The following STAG1 variants were observed in gnomAD, a reference collection of about 807,000 sequenced individuals.
STAG1 encodes STAG1 cohesin complex component.
A neutral mutation model predicts 170.9 loss-of-function variants in STAG1; 26 were observed. That is an observed-to-expected ratio of 0.15 (90% CI 0.11 to 0.21). The LOEUF is 0.21. Ranked by LOEUF, STAG1 falls within the 10% of genes least tolerant of loss-of-function variation. The probability of loss-of-function intolerance (pLI) is 1.00; values close to 1 mark genes in which losing one functional copy is unlikely to be tolerated. For synonymous variants in STAG1, 514 were observed against 497.7 expected (o/e 1.03, Z -0.44); for missense variants, 964 against 1,509.5 (o/e 0.64, Z 5.99).
chr3:136,524,744 G>C (rs888655207), intron 6 of STAG1, among the ~76,000 whole-genome samples: 3 of 152,118 alleles, frequency 2.0e-5, no homozygotes, highest in East Asian at 1.9e-4. Flanking sequence ...GTCATAGATA[G>C]CTCTTATTAT....
chr3:136,722,002 G>T (rs1403153003), intron 1 of STAG1, among the ~76,000 whole-genome samples: 3 of 151,772 alleles, frequency 2.0e-5, no homozygotes, highest in African/African-American at 4.8e-5. Flanking sequence ...AGGACAGATC[G>T]CTTGAGCTTC....
chr3:136,634,373 CA>C (rs375973343), intron 1 of STAG1, among the ~76,000 whole-genome samples: 7 of 144,328 alleles, frequency 4.9e-5, no homozygotes, highest in East Asian at 4.0e-4. Context: ...AACAAACAAA[CA>C]AAAAAAAAAC....
intron 5 of STAG1, among the ~76,000 whole-genome samples, chr3:136,561,161 C>A (rs1341194816): frequency 2.6e-5 from 4 of 152,046 alleles, no homozygotes; most frequent in Non-Finnish European, 5.9e-5. Context: ...CTTTGTAATA[C>A]AAAAAAATTT....
Position 136,715,415 on chromosome 3 carries a change from T to C in STAG1, c.-84+36780A>G, listed in dbSNP as rs182380571. Among the ~76,000 whole-genome samples the C allele has an allele frequency of 1.6e-3, 248 of 150,850 alleles. 1 individual carries two copies. Among genetic ancestry groups the C allele is most frequent in the Non-Finnish European group, 2.6e-3 (177 of 67,594 alleles). ...GCAGGCGGATCATGAGGTCAGGACA[T>C]GGAGATCACCCTGGCTAACACAGTG... On this transcript the variant is annotated intron_variant, in intron 1 of 33. Coordinates refer to ENST00000383202, the MANE Select transcript of STAG1 (RefSeq NM_005862.3).
intron 3 of STAG1, among the ~76,000 whole-genome samples, chr3:136,617,627 A>G (rs963796367): frequency 9.2e-5 from 14 of 152,210 alleles, no homozygotes; most frequent in Non-Finnish European, 1.9e-4. Context: ...TCTCTATTTT[A>G]CAGGAGTTAT....
intron 1 of STAG1, among the ~76,000 whole-genome samples, chr3:136,682,447 A>C (rs1298133234): frequency 1.0e-5 from 1 of 96,768 alleles, no homozygotes; most frequent in Non-Finnish European, 2.7e-5. Flanking sequence ...AAAAAATAAA[A>C]TATATATATA....
At chr3:136,455,781 G>A (rs1160806336) in intron 13 of STAG1, among the ~76,000 whole-genome samples, 1 of 152,150 alleles carries the variant, frequency 6.6e-6, no homozygotes, top group Non-Finnish European at 1.5e-5. Flanking sequence ...TCCTTGGCCT[G>A]GAAACAACTA....
chr3:136,687,400 A>C (rs144832873), intron 1 of STAG1, among the ~76,000 whole-genome samples: 70 of 152,282 alleles, frequency 4.6e-4, no homozygotes, highest in African/African-American at 1.6e-3. Flanking sequence ...TTTTTCTTGA[A>C]TTATATTACC....
chr3:136,377,386 C>CAAAA lies in STAG1; in HGVS notation c.2370+270_2370+273dup, dbSNP rs57934830. 7.0e-5 allele frequency among the ~76,000 whole-genome samples: 3 copies of CAAAA among 42,582 alleles called. 1 individual carries two copies. Among genetic ancestry groups the CAAAA allele is most frequent in the South Asian group, 1.5e-3 (1 of 656 alleles). The allele number at this position is 42,582 out of a possible 152,430, so 27.9% of individuals were successfully genotyped here. On this transcript the variant is annotated intron_variant, in intron 23 of 33. Coordinates refer to ENST00000383202, the MANE Select transcript of STAG1 (RefSeq NM_005862.3). ...TGGGCGACAGAGCGAGACTCTGTCTCAAAAAAAAAAAAAAAAAAAGTCTAC... is the reference window on the plus strand; with the variant it reads ...TGGGCGACAGAGCGAGACTCTGTCTCAAAAAAAAAAAAAAAAAAAAAAAGTCTAC...
At position 136,465,002 on chromosome 3, in the gene STAG1, A is replaced by G. The variant is rs201909192; in HGVS notation, c.1206-14T>C. On this transcript the variant is annotated splice_polypyrimidine_tract_variant and intron_variant, in intron 12 of 33. Transcript: ENST00000383202. ...TCTTCACTTCCACTGAAAAATACAG[A>G]AAGTAACATCTGATCTAAAGCAAAT... 2.1e-3 allele frequency: 3,286 copies of G among 1,580,354 alleles called. 6 individuals are homozygous for G. The highest frequency in any genetic ancestry group is 2.4e-3 in the Non-Finnish European group (2,768 of 1,156,686).
intron 4 of STAG1, among the ~76,000 whole-genome samples, chr3:136,601,338 T>G (rs1407764579): frequency 6.6e-6 from 1 of 152,148 alleles, no homozygotes; most frequent in African/African-American, 2.4e-5. Flanking sequence ...CAAACGTTTA[T>G]AAATTTTAAA....
At chr3:136,460,334 G>T (rs902351023) in intron 13 of STAG1, among the ~76,000 whole-genome samples, 1 of 152,132 alleles carries the variant, frequency 6.6e-6, no homozygotes, top group African/African-American at 2.4e-5. Flanking sequence ...GGGCACGGTG[G>T]CTCACGCCTT....
At chr3:136,490,242 T>C (rs1432359252) in intron 9 of STAG1, among the ~76,000 whole-genome samples, 1 of 152,012 alleles carries the variant, frequency 6.6e-6, no homozygotes, top group African/African-American at 2.4e-5. Context: ...GGTTTCGCCA[T>C]GTTGGCTAGG....
intron 1 of STAG1, among the ~76,000 whole-genome samples, chr3:136,634,714 A>C (rs531224124): frequency 1.2e-4 from 18 of 152,126 alleles, no homozygotes; most frequent in Non-Finnish European, 2.4e-4. Flanking sequence ...TGAAGAAATA[A>C]TTAGTGCACA....
chr3:136,624,252 C>T (rs1164988311), intron 2 of STAG1, among the ~76,000 whole-genome samples: 1 of 151,998 alleles, frequency 6.6e-6, no homozygotes, highest in African/African-American at 2.4e-5. Flanking sequence ...GCACCCGCCA[C>T]CAGGCCCGGC....
At chr3:136,610,502 T>C (rs1939218933) in intron 3 of STAG1, among the ~76,000 whole-genome samples, 1 of 152,220 alleles carries the variant, frequency 6.6e-6, no homozygotes, top group Admixed American at 6.5e-5. Context: ...GTATGTTGTG[T>C]ATATGCTTTT....
At chr3:136,588,642 ATTTTTT>A (rs575023166) in intron 4 of STAG1, among the ~76,000 whole-genome samples, 1 of 141,182 alleles carries the variant, frequency 7.1e-6, no homozygotes, top group East Asian at 2.1e-4. Flanking sequence ...ATTTGGCTTT[ATTTTTT>A]TTTTTGTCTC....
intron 2 of STAG1, among the ~76,000 whole-genome samples, chr3:136,624,500 A>G (rs1365223304): frequency 6.6e-6 from 1 of 152,222 alleles, no homozygotes; most frequent in African/African-American, 2.4e-5. Context: ...GTAGGATGCA[A>G]GTAAAATTAT....
At chr3:136,526,401 G>A (rs1316973409) in intron 6 of STAG1, among the ~76,000 whole-genome samples, 2 of 152,128 alleles carry the variant, frequency 1.3e-5, no homozygotes, top group East Asian at 3.9e-4. Context: ...TGTTTTATCA[G>A]AGACTAGGAT....
Sources: allele counts gnomAD v4.1 joint callset (sites outside exome capture counted in the v4.1 genomes callset), GRCh38; gene constraint gnomAD v4.1.1; transcripts MANE v1.5; gene names NCBI Gene and HGNC (gene_info 2026-07-23, HGNC 2026-07-21).